Variants in SORCS1 observed in about 807,000 individuals in gnomAD.
SORCS1 encodes sortilin related VPS10 domain containing receptor 1, also known as VPS10 domain-containing receptor SorCS1.
SORCS1 carries 60 observed loss-of-function variants against 146.1 expected under a neutral mutation model. The ratio of observed to expected loss-of-function variants is 0.41; its 90% CI spans 0.33 to 0.51. The LOEUF (loss-of-function observed/expected upper bound fraction) is 0.51, where lower values mean the gene tolerates loss of function less well. SORCS1 is among the 20% of genes least tolerant of loss of function. The pLI is 0.21. For synonymous variants in SORCS1, 637 were observed against 584.0 expected, an observed-to-expected ratio of 1.09 and a Z score of -1.31; for missense variants, 1,352 against 1,487.6, an observed-to-expected ratio of 0.91 and a Z score of 1.50.
chr10:106,764,971 C>T lies in SORCS1; in HGVS notation c.886-3310G>A, dbSNP rs535773553. On this transcript the variant is annotated intron_variant, in intron 4 of 25. Transcript: ENST00000263054. Reference sequence around the variant, plus strand: ...CTGGGATGTGGAGCTTGCAGTGAGCCGAGATCGCGCCACTGCACTCCAGCC... The same window carrying T: ...CTGGGATGTGGAGCTTGCAGTGAGCTGAGATCGCGCCACTGCACTCCAGCC... 5.6e-5 allele frequency among the ~76,000 whole-genome samples: 8 copies of T among 141,630 alleles called. No homozygotes were observed. In the East Asian group the frequency reaches 1.0e-3, roughly 18 times the overall value. 92.9% of individuals were successfully genotyped at this position (141,630 alleles called of 152,430 possible).
At position 106,761,613 on chromosome 10, in the gene SORCS1, C is replaced by T. The variant is rs1382200269; in HGVS notation, c.934G>A (p.Gly312Arg). ...FGRRWQLIQE[G>R]VVPNRFYWSV... ...CAGTAGAACCTGTTTGGTACAACCC[C>T]TTCTTGGATAAGCTGCCATCTTCTC... Residue 312 changes from glycine to arginine, a missense_variant, in exon 5 of 26, where the codon GGG becomes AGG. Transcript: ENST00000263054. 6.2e-7 allele frequency: 1 copy of T among 1,614,168 alleles called. No homozygotes were observed. The highest frequency in any genetic ancestry group is 1.7e-5 in the Admixed American group (1 of 60,026).
At chr10:106,839,516 ATAACGGG>A (rs938824408) in intron 2 of SORCS1, among the ~76,000 whole-genome samples, 1 of 152,234 alleles carries the variant, frequency 6.6e-6, no homozygotes, top group African/African-American at 2.4e-5. Flanking sequence ...AGCCTTCTCT[ATAACGGG>A]TAAGTGCAAA....
chr10:106,995,790 A>G (rs1956966234), intron 1 of SORCS1, among the ~76,000 whole-genome samples: 1 of 152,176 alleles, frequency 6.6e-6, no homozygotes. Context: ...GATAATTTAA[A>G]AAAAAACAAA....
At chr10:106,931,332 G>A (rs1953404539) in intron 2 of SORCS1, among the ~76,000 whole-genome samples, 1 of 152,100 alleles carries the variant, frequency 6.6e-6, no homozygotes, top group South Asian at 2.1e-4. Flanking sequence ...ACCATCAAGG[G>A]GTTTACAGTA....
At chr10:106,604,292 A>T (rs1315685969) in intron 23 of SORCS1, among the ~76,000 whole-genome samples, 1 of 152,128 alleles carries the variant, frequency 6.6e-6, no homozygotes, top group African/African-American at 2.4e-5. Context: ...TTTACCCATA[A>T]AGTTAAGTGA....
chr10:106,917,879 G>A (rs954325939), intron 2 of SORCS1, among the ~76,000 whole-genome samples: 9 of 152,140 alleles, frequency 5.9e-5, no homozygotes, highest in South Asian at 2.1e-4. Flanking sequence ...AGTGGTGCTC[G>A]CTTCAAGTGC....
intron 1 of SORCS1, among the ~76,000 whole-genome samples, chr10:107,074,092 G>A (rs954322563): frequency 3.3e-5 from 5 of 152,060 alleles, no homozygotes; most frequent in African/African-American, 1.2e-4. Flanking sequence ...TCTCGGCCTT[G>A]TCCATTCTAT....
At chr10:106,762,357 C>T (rs1254013558) in intron 4 of SORCS1, among the ~76,000 whole-genome samples, 2 of 139,306 alleles carry the variant, frequency 1.4e-5, no homozygotes, top group South Asian at 2.5e-4. Context: ...GAATCTGTAA[C>T]TTTTTCTTTC....
chr10:106,958,082 A>G (rs929237784), intron 1 of SORCS1, among the ~76,000 whole-genome samples: 3 of 152,252 alleles, frequency 2.0e-5, no homozygotes, highest in African/African-American at 7.2e-5. Context: ...AGCAATGAAC[A>G]GAGTCCACCT....
intron 11 of SORCS1, 148 bp from the exon 12 acceptor site, chr10:106,679,480 G>C: frequency 1.1e-6 from 1 of 931,716 alleles, no homozygotes. Context: ...CAGGTCCAAT[G>C]GTTTAGGTGC....
intron 15 of SORCS1, among the ~76,000 whole-genome samples, chr10:106,671,731 T>C (rs1352891318): frequency 1.3e-5 from 2 of 152,200 alleles, no homozygotes; most frequent in African/African-American, 2.4e-5. Flanking sequence ...TAATAAAAGA[T>C]GTATACAGTT....
intron 1 of SORCS1, among the ~76,000 whole-genome samples, chr10:107,145,236 C>T (rs895172441): frequency 1.3e-5 from 2 of 152,154 alleles, no homozygotes; most frequent in African/African-American, 4.8e-5. Flanking sequence ...CCTGATGGTA[C>T]AAGTTTGTTA....
At chr10:107,133,340 A>G (rs1450206051) in intron 1 of SORCS1, among the ~76,000 whole-genome samples, 1 of 152,022 alleles carries the variant, frequency 6.6e-6, no homozygotes, top group Non-Finnish European at 1.5e-5. Flanking sequence ...GATTGATATT[A>G]TAGGGAGGGG....
intron 3 of SORCS1, among the ~76,000 whole-genome samples, chr10:106,808,378 C>A (rs1438262590): frequency 6.6e-6 from 1 of 152,168 alleles, no homozygotes; most frequent in Non-Finnish European, 1.5e-5. Context: ...GTGTTTGTGA[C>A]CTCCTGGCCC....
At chr10:107,107,070 A>G (rs1965358757) in intron 1 of SORCS1, among the ~76,000 whole-genome samples, 1 of 152,186 alleles carries the variant, frequency 6.6e-6, no homozygotes, top group Admixed American at 6.5e-5. Context: ...AAGACAGGAA[A>G]CTGTTACCCA....
At chr10:106,687,003 G>C (rs996696936) in intron 10 of SORCS1, among the ~76,000 whole-genome samples, 1 of 152,146 alleles carries the variant, frequency 6.6e-6, no homozygotes, top group African/African-American at 2.4e-5. Flanking sequence ...AAATGAAGTG[G>C]TCCTCCCTCT....
chr10:107,069,925 T>G (rs1295558925), intron 1 of SORCS1, among the ~76,000 whole-genome samples: 2 of 152,212 alleles, frequency 1.3e-5, no homozygotes, highest in Non-Finnish European at 2.9e-5. Context: ...ACAATCTAAC[T>G]GGAAAACATT....
At chr10:106,737,766 A>G (rs961459371) in intron 5 of SORCS1, among the ~76,000 whole-genome samples, 1 of 152,146 alleles carries the variant, frequency 6.6e-6, no homozygotes, top group African/African-American at 2.4e-5. Context: ...CCATGCTCAA[A>G]TCAGTGCTCC....
intron 1 of SORCS1, among the ~76,000 whole-genome samples, chr10:107,038,229 T>G (rs147672750): frequency 1.3e-5 from 2 of 152,314 alleles, no homozygotes; most frequent in East Asian, 3.9e-4. Context: ...TGAAGCTTCA[T>G]AAGCTTCCCT....
Sources: gnomAD v4.1 joint callset for allele counts (sites outside exome capture counted in the v4.1 genomes callset) on GRCh38, gnomAD v4.1.1 for gene constraint, MANE v1.5 for transcripts, NCBI Gene and HGNC (gene_info 2026-07-23, HGNC 2026-07-21) for gene names.